Variants in IGFBP2 observed in about 807,000 individuals in gnomAD.
IGFBP2 encodes insulin like growth factor binding protein 2, also known as insulin-like growth factor-binding protein 2.
A neutral mutation model predicts 26.2 loss-of-function variants in IGFBP2; 12 were observed. The observed-to-expected ratio is 0.46, with a 90% CI of 0.29 to 0.74. IGFBP2 has a LOEUF of 0.74. IGFBP2 is among the 30% of genes least tolerant of loss of function. IGFBP2 has a pLI of 0.09. For missense variants in IGFBP2, 328 were observed against 441.2 expected (o/e 0.74, Z 2.30); for synonymous variants, 189 against 200.6 (o/e 0.94, Z 0.49).
intron 1 of IGFBP2, chr2:216,659,852 T>C: frequency 5.4e-6 from 5 of 917,786 alleles, no homozygotes; most frequent in Non-Finnish European, 8.6e-6. Context: ...AACGAGGGAA[T>C]GTCAGTGTGG....
intron 3 of IGFBP2, 54 bp from the exon 4 acceptor site, chr2:216,663,886 A>T (rs9341218): frequency 6.4e-7 from 1 of 1,570,164 alleles, no homozygotes; most frequent in Non-Finnish European, 8.7e-7. Flanking sequence ...GTTGAGGGAC[A>T]GAAGGAAAGT....
At chr2:216,663,512 T>C (rs1354099124) in intron 3 of IGFBP2, 1 of 159,114 alleles carries the variant, frequency 6.3e-6, no homozygotes, top group East Asian at 1.8e-4. Flanking sequence ...TAGCAGTGTG[T>C]CTTGCACACA....
At chr2:216,643,665 T>TAA (rs35784683) in intron 1 of IGFBP2, among the ~76,000 whole-genome samples, 1 of 144,354 alleles carries the variant, frequency 6.9e-6, no homozygotes, top group East Asian at 2.0e-4. Flanking sequence ...GCTGATGAGC[T>TAA]AAAAAAAAAA....
intron 1 of IGFBP2, among the ~76,000 whole-genome samples, chr2:216,655,376 CGAGT>C (rs1389710696): frequency 1.3e-5 from 2 of 152,076 alleles, no homozygotes; most frequent in African/African-American, 4.8e-5. Flanking sequence ...CTCGTGATAG[CGAGT>C]GAGTTCTCCT....
chr2:216,645,050 T>C (rs947712803), intron 1 of IGFBP2, among the ~76,000 whole-genome samples: 5 of 152,266 alleles, frequency 3.3e-5, no homozygotes, highest in South Asian at 4.1e-4. Flanking sequence ...CTATTGTCTT[T>C]ACTTCTGGAT....
At chr2:216,644,556 G>C (rs1451249322) in intron 1 of IGFBP2, among the ~76,000 whole-genome samples, 1 of 152,046 alleles carries the variant, frequency 6.6e-6, no homozygotes, top group African/African-American at 2.4e-5. Context: ...TTGAGAAGAG[G>C]GGGGTGTTTC....
intron 1 of IGFBP2, among the ~76,000 whole-genome samples, chr2:216,657,108 T>A (rs562533661): frequency 6.6e-6 from 1 of 152,094 alleles, no homozygotes; most frequent in Non-Finnish European, 1.5e-5. Flanking sequence ...AAAGGGCTCT[T>A]CTCTATGTTC....
intron 1 of IGFBP2, among the ~76,000 whole-genome samples, chr2:216,655,387 T>C (rs1254267066): frequency 6.6e-6 from 1 of 152,150 alleles, no homozygotes; most frequent in African/African-American, 2.4e-5. Flanking sequence ...GAGTGAGTTC[T>C]CCTGAGATCT....
intron 1 of IGFBP2, among the ~76,000 whole-genome samples, chr2:216,638,375 C>T (rs1441541735): frequency 2.0e-5 from 3 of 151,520 alleles, no homozygotes; most frequent in Admixed American, 6.6e-5. Flanking sequence ...CATGGTGGCA[C>T]CTGCCTGTAG....
At chr2:216,660,238 C>G (rs9341200) in intron 1 of IGFBP2, among the ~76,000 whole-genome samples, 1 of 152,128 alleles carries the variant, frequency 6.6e-6, no homozygotes, top group African/African-American at 2.4e-5. Flanking sequence ...TCTTCTAGAG[C>G]CAGACAGCCT....
chr2:216,655,850 G>T (rs920527908), intron 1 of IGFBP2, among the ~76,000 whole-genome samples: 1 of 151,326 alleles, frequency 6.6e-6, no homozygotes, highest in African/African-American at 2.4e-5. Context: ...AGCCAAGATC[G>T]TGCCACTGTA....
At position 216,664,013 on chromosome 2, in the gene IGFBP2, G is replaced by C; in HGVS notation, c.887G>C (p.Gly296Ala). Residue 296 changes from glycine to alanine, a missense_variant, in exon 4 of 4, where the codon GGA becomes GCA. By Grantham distance (60) the Gly-to-Ala change is moderately conservative (BLOSUM62 0). Coordinates refer to ENST00000233809, the MANE Select transcript of IGFBP2 (RefSeq NM_000597.3). The surrounding 1 kb of genome is among the most constrained non-coding windows in gnomAD (Gnocchi z 4.6). ...VNPNTGKLIQ[G>A]APTIRGDPEC... ...CCCAACACCGGGAAGCTGATCCAGG[G>C]AGCCCCCACCATCCGGGGGGACCCC... 1 of 1,614,164 alleles carries C rather than the reference G, an allele frequency of 6.2e-7. No homozygotes were observed. The highest frequency in any genetic ancestry group is 1.3e-5 in the African/African-American group (1 of 75,072).
At chr2:216,635,823 A>G (rs926827547) in intron 1 of IGFBP2, among the ~76,000 whole-genome samples, 3 of 151,632 alleles carry the variant, frequency 2.0e-5, no homozygotes, top group African/African-American at 7.3e-5. Context: ...GTCACTCTGG[A>G]TTTTCTGCCT....
chr2:216,640,395 A>T (rs1697587851), intron 1 of IGFBP2, among the ~76,000 whole-genome samples: 1 of 152,154 alleles, frequency 6.6e-6, no homozygotes, highest in South Asian at 2.1e-4. Flanking sequence ...GCGGGAGATG[A>T]TGTTTGAATT....
In IGFBP2 at chr2:216,661,925, G is replaced by A. The variant is rs372184980; in HGVS notation, c.740G>A (p.Arg247Gln). The change falls in exon 3 of 4, where the codon CGG (arginine) becomes CAG (glutamine). Residue 247 changes from arginine (R) to glutamine (Q), a missense_variant. Arg to Gln is a conservative substitution (Grantham distance 43). Transcript: ENST00000233809. ...TCCACCATGCGCCTTCCGGATGAGCGGGGCCCTCTGGAGCACCTCTACTCC... is the reference window on the plus strand; with the variant it reads ...TCCACCATGCGCCTTCCGGATGAGCAGGGCCCTCTGGAGCACCTCTACTCC... ...RISTMRLPDE[R>Q]GPLEHLYSLH... 11 of 1,614,056 alleles carry A rather than the reference G, an allele frequency of 6.8e-6. No homozygotes were observed. The Middle Eastern group carries it at 6.6e-4, about 96-fold the overall frequency.
intron 1 of IGFBP2, among the ~76,000 whole-genome samples, chr2:216,642,656 G>A (rs956512137): frequency 3.3e-5 from 5 of 152,216 alleles, no homozygotes; most frequent in African/African-American, 1.2e-4. Context: ...TGGATCCGAT[G>A]TGCTGATGTC....
At chr2:216,650,117 A>G (rs566029702) in intron 1 of IGFBP2, among the ~76,000 whole-genome samples, 5 of 152,310 alleles carry the variant, frequency 3.3e-5, no homozygotes, top group East Asian at 1.9e-4. Flanking sequence ...GGGCCTGGCA[A>G]TGCCAGAGCT....
intron 1 of IGFBP2, among the ~76,000 whole-genome samples, chr2:216,651,267 C>T (rs1488109462): frequency 6.6e-6 from 1 of 152,184 alleles, no homozygotes; most frequent in East Asian, 1.9e-4. Context: ...ATTACTAATC[C>T]CAGCCTGTTG....
In IGFBP2 at chr2:216,663,928, C is replaced by T. The variant is rs200608821; in HGVS notation, c.814-12C>T. The T allele has an allele frequency of 2.7e-5, 43 of 1,612,388 alleles. No homozygotes were observed. The East Asian group carries it at 9.4e-4, about 35-fold the overall frequency. On this transcript the variant is annotated splice_polypyrimidine_tract_variant and intron_variant, in intron 3 of 3. Coordinates refer to ENST00000233809, the MANE Select transcript of IGFBP2 (RefSeq NM_000597.3). ...CTGCGGGCTCCTCCATGCTCTTCTC[C>T]TCTCTCCCCAGTGCAAGATGTCTCT...
Sources: gnomAD v4.1 joint callset for allele counts (sites outside exome capture counted in the v4.1 genomes callset) on GRCh38, gnomAD v4.1.1 for gene constraint, Gnocchi (gnomAD v3.1) non-coding constraint, MANE v1.5 for transcripts, NCBI Gene and HGNC (gene_info 2026-07-23, HGNC 2026-07-21) for gene names.